NEB: variants seen among roughly 807,000 people sequenced by gnomAD.
NEB encodes the protein nemaline myopathy type 2.
Under a neutral mutation model 952.2 loss-of-function variants are expected in NEB, and 512 were observed. That is an observed-to-expected ratio of 0.54 (90% confidence interval 0.50 to 0.58). NEB has a LOEUF of 0.58. Ranked by LOEUF, NEB falls within the 20% of genes least tolerant of loss-of-function variation. The pLI, the probability that NEB is intolerant of heterozygous loss-of-function variation, is 0.00. For missense variants in NEB, 8,428 were observed against 9,231.1 expected (o/e 0.91, Z 3.56); for synonymous variants, 2,900 against 3,149.8 (o/e 0.92, Z 2.66).
At chr2:151,667,127 A>G (rs2099229220) in intron 40 of NEB, among the ~76,000 whole-genome samples, 1 of 148,798 alleles carries the variant, frequency 6.7e-6, no homozygotes, top group African/African-American at 2.5e-5. Context: ...AAAACCAGAA[A>G]GAATCAGCAA....
rs1489581077 is a variant in NEB at position 151,497,631 on chromosome 2, T to A, written c.24295A>T (p.Ser8099Cys). ...ERVKHNQENI[S>C]SVLYKENMGK... ...TTCTTTTCTTGCCAAAGTACCGAGC[T>A]AATATTTTCTTGATTGTGTTTGACT... The change falls in exon 171 of 182, where the codon AGC becomes TGC. Residue 8099 changes from serine (S) to cysteine (C), a missense_variant. Physicochemically the swap from Ser to Cys is moderately radical, Grantham distance 112. Transcript: ENST00000397345. 1.9e-6 allele frequency: 3 copies of A among 1,573,354 alleles called. No individual in the cohort carries two copies. In the Admixed American group the frequency reaches 5.6e-5, roughly 29 times the overall value.
At position 151,563,705 on chromosome 2, in the gene NEB, C is replaced by T. The variant is rs1052632945; in HGVS notation, c.18594G>A (p.Glu6198=). Residue 6198 remains glutamate (E), a synonymous_variant, in exon 119 of 182, where the codon GAG becomes GAA. Transcript: ENST00000397345. ...AGTGACCTTTCTGCTTCTCATATGTCTCTTTGTATTTAAGCTGTAAAGTGG... is the reference window on the plus strand; with the variant it reads ...AGTGACCTTTCTGCTTCTCATATGTTTCTTTGTATTTAAGCTGTAAAGTGG... ...DLVNSELKYK[E]TYEKQKGHYL... The T allele has an allele frequency of 1.9e-6, 3 of 1,613,656 alleles. No individual in the cohort carries two copies. The African/African-American group carries it at 4.0e-5, about 22-fold the overall frequency.
chr2:151,695,160 C>T (rs1332883607), intron 18 of NEB, among the ~76,000 whole-genome samples: 2 of 151,982 alleles, frequency 1.3e-5, no homozygotes, highest in Admixed American at 6.6e-5. Context: ...CTTTCAATCC[C>T]CTATATCTTT....
At chr2:151,502,373 T>C (rs1277237140) in intron 167 of NEB, among the ~76,000 whole-genome samples, 1 of 127,348 alleles carries the variant, frequency 7.9e-6, no homozygotes, top group African/African-American at 2.9e-5. Context: ...GAAAAATAAA[T>C]AAACATCTAA....
intron 7 of NEB, 92 bp downstream of exon 7, chr2:151,724,760 TGGGCA>T: frequency 1.1e-6 from 1 of 928,740 alleles, no homozygotes; most frequent in Admixed American, 2.3e-5. Context: ...ATGAGGCTGG[TGGGCA>T]GGATCAGGCC....
rs976622151 is a variant in NEB, at chr2:151,541,569, T to C, written c.20578-18A>G. On this transcript the variant is annotated intron_variant, in intron 135 of 181. Transcript: ENST00000397345. ...TAGACCAGCTAGACATAAACCAAGT[T>C]ATCACCATCATTTCTGTTTCATGGG... The C allele has an allele frequency of 6.3e-7, 1 of 1,586,944 alleles. No homozygotes were observed. The highest frequency in any genetic ancestry group is 1.7e-5 in the Admixed American group (1 of 59,932).
At chr2:151,661,894 G>T (rs1259099407) in intron 46 of NEB, among the ~76,000 whole-genome samples, 1 of 151,968 alleles carries the variant, frequency 6.6e-6, no homozygotes, top group Non-Finnish European at 1.5e-5. Flanking sequence ...TGCAGTAAAA[G>T]AAAAAGTCCC....
In NEB at chr2:151,490,434, G is replaced by C; in HGVS notation, c.25235C>G (p.Ser8412Ter). 1 of 1,603,776 alleles carries C rather than the reference G, an allele frequency of 6.2e-7. No individual in the cohort carries two copies. Among genetic ancestry groups the C allele is most frequent in the East Asian group, 2.2e-5 (1 of 44,456 alleles). The change falls in exon 180 of 182, where the codon TCA becomes TGA. Residue 8412 changes from serine (S) to a stop codon, truncating the protein, a stop_gained. Transcript: ENST00000397345. LOFTEE classifies it high-confidence loss of function. ...ISGGEEKSEH[S>*]EAPDHHLSTY... Reference sequence around the variant, plus strand: ...CGAAAGGTGGTGGTCTGGTGCTTCTGAATGCTCAGACTTCTCCTCACCCCC... The same window carrying C: ...CGAAAGGTGGTGGTCTGGTGCTTCTCAATGCTCAGACTTCTCCTCACCCCC...
intron 76 of NEB, chr2:151,615,793 A>T: frequency 2.3e-6 from 1 of 435,050 alleles, no homozygotes; most frequent in Non-Finnish European, 4.0e-6. Flanking sequence ...AAAAAATAGT[A>T]TGTCTCTAGT....
Position 151,503,453 on chromosome 2 carries a change from A to AATT in NEB, c.23743-15_23743-13dup. On this transcript the variant is annotated splice_polypyrimidine_tract_variant and intron_variant, in intron 165 of 181. Transcript: ENST00000397345. ...TCTTTGTACATAACCTGTAGAAAAT[A>AATT]ATTAGAATACCCAGAAAGGTAAAAT... is the stretch of plus-strand genomic sequence containing the variant. 6.4e-7 allele frequency: 1 copy of AATT among 1,555,278 alleles called. No individual in the cohort carries two copies. Among genetic ancestry groups the AATT allele is most frequent in the Non-Finnish European group, 8.9e-7 (1 of 1,127,048 alleles).
intron 66 of NEB, 84 bp downstream of exon 66, chr2:151,631,059 A>C: frequency 1.3e-6 from 2 of 1,537,732 alleles, no homozygotes; most frequent in Non-Finnish European, 1.8e-6. Context: ...CCACGCCTTC[A>C]TAGATAATTT....
At chr2:151,562,277 T>A (rs1029352872) in intron 120 of NEB, 63 bp from the exon 121 acceptor site, 1 of 1,341,734 alleles carries the variant, frequency 7.5e-7, no homozygotes, top group African/African-American at 1.4e-5. Context: ...GAGCATTTGA[T>A]AATTTCCTAT....
At position 151,684,851 on chromosome 2, in the gene NEB, A is replaced by G. The variant is rs2099480203; in HGVS notation, c.2762T>C (p.Leu921Ser). Residue 921 changes from leucine to serine, a missense_variant, in exon 28 of 182, where the codon TTA (leucine) becomes TCA (serine). Leu to Ser is a moderately radical substitution (Grantham distance 145, BLOSUM62 -2). Coordinates refer to ENST00000397345, the MANE Select transcript of NEB (RefSeq NM_001164508.2). ...ATCAGGGGGGTAGCTGTAACTGTGT[A>G]AGATGTGCTTATAATCAACGTCGCT... ...IASDVDYKHI[L>S]HSYSYPPDSI... 6.2e-7 allele frequency: 1 copy of G among 1,613,492 alleles called. No individual in the cohort carries two copies. Among genetic ancestry groups the G allele is most frequent in the Non-Finnish European group, 8.5e-7 (1 of 1,179,638 alleles).
intron 13 of NEB, among the ~76,000 whole-genome samples, chr2:151,698,759 T>G (rs2099619571): frequency 6.6e-6 from 1 of 150,980 alleles, no homozygotes; most frequent in African/African-American, 2.4e-5. Context: ...TGCCTCAGCC[T>G]CCCGAGTAGC....
chr2:151,561,138 C>T (rs761424822), intron 122 of NEB, 30 bp from the exon 123 acceptor site: 13 of 1,563,430 alleles, frequency 8.3e-6, no homozygotes, highest in Non-Finnish European at 1.1e-5. Context: ...GGTTATTCAC[C>T]TCTGTTGTTA....
At position 151,570,562 on chromosome 2, in the gene NEB, A is replaced by G; in HGVS notation, c.17053T>C (p.Cys5685Arg). Residue 5685 changes from cysteine (C) to arginine (R), a missense_variant, in exon 108 of 182, where the codon TGT becomes CGT. Cys to Arg is a radical substitution (Grantham distance 180). Coordinates refer to ENST00000397345, the MANE Select transcript of NEB (RefSeq NM_001164508.2). Reference protein sequence around the residue: ...REGWDEMKAGCDVRLDAIPIQ... With the variant: ...REGWDEMKAGRDVRLDAIPIQ... ...GGGATGGCATCCAGCCGGACATCAC[A>G]GCCCGCCTTCATTTCATCCCAGCCC... The G allele has an allele frequency of 6.2e-7, 1 of 1,607,330 alleles. No homozygotes were observed. Among genetic ancestry groups the G allele is most frequent in the Non-Finnish European group, 8.5e-7 (1 of 1,176,976 alleles).
At chr2:151,711,786 TA>T (rs1410088889) in intron 10 of NEB, among the ~76,000 whole-genome samples, 4 of 152,164 alleles carry the variant, frequency 2.6e-5, no homozygotes, top group Non-Finnish European at 5.9e-5. Flanking sequence ...ATATAGGGTA[TA>T]AAAATTGTAA....
At chr2:151,594,499 CAG>C (rs1331361685) in intron 92 of NEB, among the ~76,000 whole-genome samples, 181 bp from the exon 93 acceptor site, 2 of 151,294 alleles carry the variant, frequency 1.3e-5, no homozygotes, top group East Asian at 3.9e-4. Context: ...TAGGTCATTT[CAG>C]AGAGGACATG....
Position 151,516,492 on chromosome 2 carries a change from G to C in NEB, c.22872C>G (p.Ile7624Met), listed in dbSNP as rs1396527518. The C allele has an allele frequency of 6.2e-7, 1 of 1,613,250 alleles. No individual in the cohort carries two copies. The highest frequency in any genetic ancestry group is 2.2e-5 in the East Asian group (1 of 44,876). Reference protein sequence around the residue: ...PMLDFETPTYITAKESQQMQS... With the variant: ...PMLDFETPTYMTAKESQQMQS... ...GCATCTGCTGAGACTCTTTGGCAGT[G>C]ATGTACGTTGGTGTTTCAAAGTCCA... is the stretch of plus-strand genomic sequence containing the variant. Residue 7624 changes from isoleucine to methionine, a missense_variant, in exon 157 of 182, where the codon ATC becomes ATG. Physicochemically the swap from Ile to Met is conservative, Grantham distance 10. This residue lies in a region of NEB where 3,374 missense variants were observed against 3,651.5 expected (regional missense o/e 0.92). Transcript: ENST00000397345.
Sources: allele counts gnomAD v4.1 joint callset (sites outside exome capture counted in the v4.1 genomes callset), GRCh38; gene constraint gnomAD v4.1.1; regional missense constraint gnomAD v4.1.1; transcripts MANE v1.5; gene names NCBI Gene and HGNC (gene_info 2026-07-23, HGNC 2026-07-21).